Variants in NAALADL2 observed in about 807,000 individuals in gnomAD.
NAALADL2 encodes the protein inactive N-acetylated-alpha-linked acidic dipeptidase-like protein 2.
Under a neutral mutation model 87.2 loss-of-function variants are expected in NAALADL2, and 76 were observed. The observed-to-expected ratio is 0.87, with a 90% CI of 0.72 to 1.05. NAALADL2 has a LOEUF of 1.05. NAALADL2 is among the 50% of genes least tolerant of loss of function. NAALADL2 has a pLI of 0.00. For synonymous variants in NAALADL2, 354 were observed against 331.0 expected, an observed-to-expected ratio of 1.07 and a Z score of -0.75; for missense variants, 1,089 against 945.8, an observed-to-expected ratio of 1.15 and a Z score of -1.99.
intron 2 of NAALADL2, among the ~76,000 whole-genome samples, chr3:174,603,855 T>C (rs1339839461): frequency 6.6e-6 from 1 of 152,142 alleles, no homozygotes; most frequent in Non-Finnish European, 1.5e-5. Context: ...TTAATTTCCA[T>C]GTATTTGCAT....
intron 6 of NAALADL2, among the ~76,000 whole-genome samples, chr3:175,454,743 C>T (rs539122409): frequency 2.0e-5 from 3 of 152,132 alleles, no homozygotes; most frequent in Admixed American, 2.0e-4. Context: ...AAGTTATTAT[C>T]AGTGAGTGGA....
chr3:175,718,428 A>C, intron 11 of NAALADL2: 2 of 1,586,266 alleles, frequency 1.3e-6, no homozygotes, highest in Admixed American at 3.3e-5. Flanking sequence ...AATCTTAAAA[A>C]GGGGGGTGCT....
At chr3:174,856,269 G>A (rs1161035052), upstream of NAALADL2, among the ~76,000 whole-genome samples, 2 of 152,186 alleles carry the variant, frequency 1.3e-5, no homozygotes, top group South Asian at 2.1e-4. Flanking sequence ...GCCTCCCAAA[G>A]TGCTGGGATT....
intron 9 of NAALADL2, among the ~76,000 whole-genome samples, chr3:175,549,403 C>T (rs1006627043): frequency 2.6e-5 from 4 of 151,866 alleles, no homozygotes; most frequent in Non-Finnish European, 5.9e-5. Context: ...TTATTTTTTG[C>T]ATTATAAATA....
At chr3:174,908,423 A>G (rs1489143131) in intron 1 of NAALADL2, among the ~76,000 whole-genome samples, 1 of 152,096 alleles carries the variant, frequency 6.6e-6, no homozygotes, top group East Asian at 1.9e-4. Context: ...AGTGCTGTAT[A>G]AAAAGGCTTT....
chr3:174,659,768 G>A (rs73882477), intron 2 of NAALADL2, among the ~76,000 whole-genome samples: 2,302 of 152,204 alleles, frequency 0.015, 57 homozygotes, highest in African/African-American at 0.053. Flanking sequence ...TCTACCCATG[G>A]TCACGTCTCC....
intron 13 of NAALADL2, among the ~76,000 whole-genome samples, chr3:175,765,233 T>C (rs567456370): frequency 1.3e-5 from 2 of 152,292 alleles, no homozygotes; most frequent in East Asian, 3.9e-4. Context: ...AAAAAATCTT[T>C]GTAACGCTGA....
At chr3:174,685,495 A>G (rs1406171771) in intron 2 of NAALADL2, among the ~76,000 whole-genome samples, 3 of 151,864 alleles carry the variant, frequency 2.0e-5, no homozygotes, top group Non-Finnish European at 2.9e-5. Flanking sequence ...GTTTATTTTC[A>G]TGGAGCAGCT....
At chr3:174,887,546 G>T (rs1730324397) in intron 1 of NAALADL2, among the ~76,000 whole-genome samples, 1 of 152,056 alleles carries the variant, frequency 6.6e-6, no homozygotes, top group Admixed American at 6.5e-5. Context: ...CATAAACCCA[G>T]CAATTTTGGA....
chr3:174,877,898 G>GC (rs1728704584), intron 1 of NAALADL2, among the ~76,000 whole-genome samples: 1 of 151,944 alleles, frequency 6.6e-6, no homozygotes, highest in African/African-American at 2.4e-5. Flanking sequence ...AACAATTATA[G>GC]CCCAGCATAA....
rs539826880 is a variant in NAALADL2, at chr3:174,524,623, C to T, written c.-183-25946C>T. ...GCAGTGGCATCATTATAGCTCACTGCAGCCTTGACCTCCTGGGCTTAAGCC... is the reference window on the plus strand; with the variant it reads ...GCAGTGGCATCATTATAGCTCACTGTAGCCTTGACCTCCTGGGCTTAAGCC... On this transcript the variant is annotated intron_variant, in intron 1 of 3. Transcript: ENST00000434257. Among the ~76,000 whole-genome samples, 467 of 152,030 alleles carry T rather than the reference C, an allele frequency of 3.1e-3. 4 individuals are homozygous for T. The highest frequency in any genetic ancestry group is 0.024 in the Middle Eastern group (7 of 294).
chr3:175,275,681 T>A (rs1324629790), intron 4 of NAALADL2, among the ~76,000 whole-genome samples: 3 of 152,204 alleles, frequency 2.0e-5, no homozygotes, highest in African/African-American at 7.2e-5. Context: ...ATGGTGTCTT[T>A]ATGCATATTA....
At chr3:174,832,118 C>T (rs1722783709) in intron 3 of NAALADL2, among the ~76,000 whole-genome samples, 1 of 151,972 alleles carries the variant, frequency 6.6e-6, no homozygotes, top group Non-Finnish European at 1.5e-5. Flanking sequence ...TTCAGTTCTG[C>T]TCTGATTTTA....
At chr3:175,256,302 A>G in intron 3 of NAALADL2, 109 bp from the exon 4 acceptor site, 1 of 1,025,682 alleles carries the variant, frequency 9.7e-7, no homozygotes, top group South Asian at 1.8e-5. Flanking sequence ...AATTAATTCT[A>G]TATTGAACAT....
intron 1 of NAALADL2, among the ~76,000 whole-genome samples, chr3:174,548,435 A>G (rs1397127193): frequency 6.6e-6 from 1 of 152,224 alleles, no homozygotes; most frequent in African/African-American, 2.4e-5. Context: ...TCTCTGCATT[A>G]TTGAATTATA....
intron 2 of NAALADL2, among the ~76,000 whole-genome samples, chr3:174,619,486 T>C (rs1471443267): frequency 1.3e-5 from 2 of 152,000 alleles, no homozygotes; most frequent in Admixed American, 6.6e-5. Flanking sequence ...ATGGAAATAC[T>C]GGCAGCCCCT....
chr3:175,663,146 T>TTTTTA (rs537931566), intron 11 of NAALADL2, among the ~76,000 whole-genome samples: 4,467 of 151,312 alleles, frequency 0.03, 95 homozygotes, highest in African/African-American at 0.057. Context: ...TGGGCTTGCT[T>TTTTTA]TTTTATTTTA....
intron 1 of NAALADL2, among the ~76,000 whole-genome samples, chr3:175,019,320 G>T (rs1028363864): frequency 2.7e-4 from 41 of 151,834 alleles, no homozygotes; most frequent in African/African-American, 9.2e-4. Flanking sequence ...ATTATAATCC[G>T]CTAAGAAATT....
Position 175,150,420 on chromosome 3 carries a change from CTG to C in NAALADL2, c.545+53131_545+53132del, listed in dbSNP as rs544535349. 3.0e-4 allele frequency among the ~76,000 whole-genome samples: 46 copies of C among 151,942 alleles called. No individual in the cohort carries two copies. In the East Asian group the frequency reaches 8.7e-3, roughly 29 times the overall value. On this transcript the variant is annotated intron_variant, in intron 2 of 13. Transcript: ENST00000454872. ...AAGAATTCCCCTTTTCCATTTTTTT[CTG>C]TCTCAGACAGATTATTATTAAAAAA...
Sources: gnomAD v4.1 joint callset for allele counts (sites outside exome capture counted in the v4.1 genomes callset) on GRCh38, gnomAD v4.1.1 for gene constraint, MANE v1.5 for transcripts, NCBI Gene and HGNC (gene_info 2026-07-23, HGNC 2026-07-21) for gene names.